The following SLC9A9 variants were observed in gnomAD, a reference collection of about 807,000 sequenced individuals.
SLC9A9 encodes the protein sodium/hydrogen exchanger 9.
SLC9A9 carries 62 observed loss-of-function variants against 77.8 expected under a neutral mutation model. That is an observed-to-expected ratio of 0.80 (90% CI 0.65 to 0.98). The LOEUF (loss-of-function observed/expected upper bound fraction) is 0.98. Ranked by LOEUF, SLC9A9 falls within the 50% of genes least tolerant of loss-of-function variation. The pLI is 0.00. For synonymous variants in SLC9A9, 320 were observed against 283.5 expected, an observed-to-expected ratio of 1.13 and a Z score of -1.29; for missense variants, 775 against 774.9, an observed-to-expected ratio of 1.00 and a Z score of 0.00.
chr3:143,413,458 C>T (rs2034134780), intron 12 of SLC9A9, among the ~76,000 whole-genome samples: 1 of 152,150 alleles, frequency 6.6e-6, no homozygotes, highest in South Asian at 2.1e-4. Flanking sequence ...TACAGACTCC[C>T]ACCTCAGAGA....
intron 15 of SLC9A9, among the ~76,000 whole-genome samples, chr3:143,267,960 A>T (rs1937779443): frequency 6.6e-6 from 1 of 152,134 alleles, no homozygotes; most frequent in Non-Finnish European, 1.5e-5. Flanking sequence ...TAAAATACAG[A>T]TCATCGTTCA....
At chr3:143,485,435 T>A (rs1312043319) in intron 11 of SLC9A9, among the ~76,000 whole-genome samples, 3 of 152,080 alleles carry the variant, frequency 2.0e-5, no homozygotes, top group Non-Finnish European at 4.4e-5. Context: ...ATTAGGTCAT[T>A]AAAAAATAAC....
chr3:143,817,113 T>C (rs2009036263), intron 2 of SLC9A9, among the ~76,000 whole-genome samples: 1 of 151,640 alleles, frequency 6.6e-6, no homozygotes, highest in South Asian at 2.1e-4. Context: ...GTTGATGGTG[T>C]CTTTTTCATG....
At chr3:143,517,361 G>A in intron 9 of SLC9A9, 2 of 1,350,422 alleles carry the variant, frequency 1.5e-6, no homozygotes, top group Non-Finnish European at 1.0e-6. Flanking sequence ...AAAATTACCA[G>A]GCATTCTCCC....
In SLC9A9 at chr3:143,840,223, T is replaced by C. The variant is rs573001890; in HGVS notation, c.175+7925A>G. ...TGGTCAGGAAACACACTGAGAAGCATTGTCATATAAGATAGTAGTTCCTAC... is the reference window on the plus strand; with the variant it reads ...TGGTCAGGAAACACACTGAGAAGCACTGTCATATAAGATAGTAGTTCCTAC... On this transcript the variant is annotated intron_variant, in intron 1 of 15. Transcript: ENST00000316549. 1.5e-3 allele frequency among the ~76,000 whole-genome samples: 74 copies of C among 48,826 alleles called. 1 individual carries two copies. The highest frequency in any genetic ancestry group is 3.4e-3 in the African/African-American group (67 of 19,622). 32.0% of individuals were successfully genotyped at this position (48,826 alleles called of 152,430 possible).
Position 143,785,845 on chromosome 3 carries a change from CTTTTT to C in SLC9A9, c.533+9151_533+9155del, listed in dbSNP as rs57552730. Among the ~76,000 whole-genome samples, 184 of 112,996 alleles carry C rather than the reference CTTTTT, an allele frequency of 1.6e-3. 9 individuals carry two copies. Among genetic ancestry groups the C allele is most frequent in the East Asian group, 6.9e-3 (29 of 4,192 alleles). 74.1% of individuals were successfully genotyped at this position (112,996 alleles called of 152,430 possible). Reference sequence around the variant, plus strand: ...GAGTAATTCTAAGACTTGAATTTTTCTTTTTTTTTTTTTTTTTTTTTTTTTTTTTG... The same window carrying C: ...GAGTAATTCTAAGACTTGAATTTTTCTTTTTTTTTTTTTTTTTTTTTTTTG... On this transcript the variant is annotated intron_variant, in intron 4 of 15. Coordinates refer to ENST00000316549, the MANE Select transcript of SLC9A9 (RefSeq NM_173653.4).
chr3:143,759,572 C>T (rs184619240), intron 4 of SLC9A9, among the ~76,000 whole-genome samples: 95 of 151,960 alleles, frequency 6.3e-4, no homozygotes, highest in African/African-American at 2.1e-3. Flanking sequence ...TGTCCAGATC[C>T]TTTGAGTCCT....
intron 8 of SLC9A9, among the ~76,000 whole-genome samples, chr3:143,557,190 G>C (rs1261113781): frequency 6.6e-6 from 1 of 152,034 alleles, no homozygotes; most frequent in East Asian, 1.9e-4. Context: ...CGTTTCCCCT[G>C]CTTGCACTCA....
intron 9 of SLC9A9, among the ~76,000 whole-genome samples, chr3:143,526,722 C>T (rs2036412765): frequency 6.6e-6 from 1 of 152,148 alleles, no homozygotes. Flanking sequence ...GAAGCCGATT[C>T]AAAAACAATT....
At chr3:143,334,350 A>G (rs193155808) in intron 14 of SLC9A9, among the ~76,000 whole-genome samples, 27 of 152,372 alleles carry the variant, frequency 1.8e-4, no homozygotes, top group Admixed American at 2.6e-4. Flanking sequence ...AAGAAAGAGC[A>G]TATATTAGCA....
chr3:143,438,307 C>T (rs2034663533), intron 12 of SLC9A9, among the ~76,000 whole-genome samples: 1 of 152,184 alleles, frequency 6.6e-6, no homozygotes, highest in Non-Finnish European at 1.5e-5. Context: ...AAAATGGGGG[C>T]CCCAACTCTC....
intron 7 of SLC9A9, among the ~76,000 whole-genome samples, chr3:143,574,415 C>T (rs1391132412): frequency 6.6e-6 from 1 of 152,174 alleles, no homozygotes; most frequent in East Asian, 1.9e-4. Flanking sequence ...AAAATTCAAA[C>T]CTGTGTTCAG....
chr3:143,839,368 G>T (rs2009649113), intron 1 of SLC9A9, among the ~76,000 whole-genome samples: 1 of 152,150 alleles, frequency 6.6e-6, no homozygotes, highest in South Asian at 2.1e-4. Context: ...GTGATGCCTT[G>T]TTCAAAGTTT....
intron 6 of SLC9A9, among the ~76,000 whole-genome samples, chr3:143,584,736 T>C (rs2037513749): frequency 6.6e-6 from 1 of 152,230 alleles, no homozygotes. Flanking sequence ...CCCTTTGTGC[T>C]GGGTAAGTAG....
chr3:143,706,845 G>C (rs891507131), intron 4 of SLC9A9, among the ~76,000 whole-genome samples: 1 of 152,168 alleles, frequency 6.6e-6, no homozygotes, highest in Non-Finnish European at 1.5e-5. Context: ...GCTATTGTTA[G>C]TGTTACTGTA....
intron 14 of SLC9A9, among the ~76,000 whole-genome samples, chr3:143,297,881 T>C (rs1475364189): frequency 3.9e-5 from 6 of 152,200 alleles, no homozygotes; most frequent in Admixed American, 1.3e-4. Flanking sequence ...TTGTGATGTA[T>C]GTGCCTGGAA....
chr3:143,355,784 T>C (rs1393459579), intron 14 of SLC9A9, among the ~76,000 whole-genome samples: 1 of 152,166 alleles, frequency 6.6e-6, no homozygotes, highest in Non-Finnish European at 1.5e-5. Flanking sequence ...AGTGAATAAA[T>C]TGATGAGGAA....
At chr3:143,689,332 A>G (rs879145515) in intron 5 of SLC9A9, among the ~76,000 whole-genome samples, 3 of 152,214 alleles carry the variant, frequency 2.0e-5, no homozygotes, top group East Asian at 1.9e-4. Flanking sequence ...CCAAATTTCT[A>G]TCAATAGAAG....
intron 4 of SLC9A9, among the ~76,000 whole-genome samples, chr3:143,785,788 T>G (rs2008030042): frequency 1.3e-5 from 2 of 151,694 alleles, no homozygotes; most frequent in South Asian, 4.2e-4. Flanking sequence ...AAAATGACTA[T>G]GTCTGAGGGT....
Sources: gnomAD v4.1 joint callset for allele counts (sites outside exome capture counted in the v4.1 genomes callset) on GRCh38, gnomAD v4.1.1 for gene constraint, MANE v1.5 for transcripts, NCBI Gene and HGNC (gene_info 2026-07-23, HGNC 2026-07-21) for gene names.